The following DYNC2H1 variants were observed in gnomAD, a reference collection of about 807,000 sequenced individuals.
The protein encoded by DYNC2H1 is dynein cytoplasmic 2 heavy chain 1.
Under a neutral mutation model 570.0 loss-of-function variants are expected in DYNC2H1, and 410 were observed. The ratio of observed to expected loss-of-function variants is 0.72; its 90% CI spans 0.66 to 0.78. The LOEUF is 0.78. DYNC2H1 is among the 30% of genes least tolerant of loss of function. The pLI is 0.00. For synonymous variants in DYNC2H1, 1,688 were observed against 1,677.6 expected (o/e 1.01, Z -0.15); for missense variants, 4,865 against 5,046.4 (o/e 0.96, Z 1.09).
chr11:103,380,521 A>G (rs1941599383), intron 83 of DYNC2H1, among the ~76,000 whole-genome samples: 1 of 152,128 alleles, frequency 6.6e-6, no homozygotes, highest in African/African-American at 2.4e-5. Context: ...GCTGATAGGA[A>G]AGTCAGGGAA....
At chr11:103,354,206 CCTGTTTAGCCTG>C (rs925090475) in intron 82 of DYNC2H1, among the ~76,000 whole-genome samples, 1 of 149,336 alleles carries the variant, frequency 6.7e-6, no homozygotes, top group East Asian at 2.0e-4. Context: ...AAAAAAATCT[CCTGTTTAGCCTG>C]CTGTTTGGCC....
rs768168150 is a variant in DYNC2H1, at chr11:103,177,550, T to C, written c.5875-6T>C. 1 of 1,598,738 alleles carries C rather than the reference T, an allele frequency of 6.3e-7. No homozygotes were observed. The highest frequency in any genetic ancestry group is 8.5e-7 in the Non-Finnish European group (1 of 1,176,146). On this transcript the variant is annotated splice_polypyrimidine_tract_variant and splice_region_variant and intron_variant, in intron 37 of 88. Coordinates refer to ENST00000375735, the MANE Select transcript of DYNC2H1 (RefSeq NM_001377.3). This position sits in a 1 kb window ranked among gnomAD's most constrained non-coding sequence, Gnocchi z 4.4. ...ATCATATATGAACATATTTCTTTCC[T>C]ACTAGATCAAAAAGGCTTTAGAATT...
At chr11:103,417,473 A>G (rs1021657540) in intron 84 of DYNC2H1, among the ~76,000 whole-genome samples, 1 of 152,224 alleles carries the variant, frequency 6.6e-6, no homozygotes, top group African/African-American at 2.4e-5. Context: ...CTTCATGCAC[A>G]TAATCACAAA....
chr11:103,349,356 C>T (rs1201643027), intron 82 of DYNC2H1, among the ~76,000 whole-genome samples: 5 of 152,060 alleles, frequency 3.3e-5, no homozygotes, highest in South Asian at 4.2e-4. Flanking sequence ...TGTGTATATA[C>T]ATGATATAGT....
At chr11:103,238,168 C>T (rs542139273) in intron 63 of DYNC2H1, among the ~76,000 whole-genome samples, 53 of 152,132 alleles carry the variant, frequency 3.5e-4, no homozygotes, top group Non-Finnish European at 5.4e-4. Context: ...TCACCATGTA[C>T]GTAAAATTAA....
rs74549378 is a variant in DYNC2H1 at position 103,255,299 on chromosome 11, G to A, written c.10207-116G>A. On this transcript the variant is annotated intron_variant, in intron 66 of 88. Transcript: ENST00000375735. ...TGTTTAATTAGAAAGAATGAAATGAGATAACATAGTATCATATTTGTAATA... is the reference window on the plus strand; with the variant it reads ...TGTTTAATTAGAAAGAATGAAATGAAATAACATAGTATCATATTTGTAATA... 30 of 1,149,194 alleles carry A rather than the reference G, an allele frequency of 2.6e-5. No individual in the cohort carries two copies. In the South Asian group the frequency reaches 4.8e-4, roughly 18 times the overall value. 71.2% of individuals were successfully genotyped at this position (1,149,194 alleles called of 1,614,324 possible).
rs145054152 is a variant in DYNC2H1, at chr11:103,290,497, C to T, written c.11095+2892C>T. Among the ~76,000 whole-genome samples, 32 of 152,190 alleles carry T rather than the reference C, an allele frequency of 2.1e-4. No homozygotes were observed. In the East Asian group the frequency reaches 5.6e-3, roughly 27 times the overall value. On this transcript the variant is annotated intron_variant, in intron 75 of 88. Coordinates refer to ENST00000375735, the MANE Select transcript of DYNC2H1 (RefSeq NM_001377.3). ...TTCTTTTGGTTGCAGGTGACAGATA[C>T]CCATATTAAACTCGCTTAAATGAAT...
chr11:103,147,382 A>G (rs1472841025), intron 18 of DYNC2H1, among the ~76,000 whole-genome samples: 2 of 151,900 alleles, frequency 1.3e-5, no homozygotes, highest in African/African-American at 4.8e-5. Context: ...CCTTATTTTT[A>G]TTGTTTGTAT....
rs1045389474 is a variant in DYNC2H1 at position 103,147,886 on chromosome 11, G to A, written c.2817G>A (p.Gln939=). 2.5e-6 allele frequency: 4 copies of A among 1,577,258 alleles called. No individual in the cohort carries two copies. Among genetic ancestry groups the A allele is most frequent in the Non-Finnish European group, 2.6e-6 (3 of 1,151,764 alleles). The change falls in exon 19 of 89, where the codon CAG becomes CAA. Residue 939 remains glutamine (Q), a splice_region_variant and synonymous_variant. Transcript: ENST00000375735. ...TTCTTTCTTTGAAGAAGTCCATACA[G>A]GGTAAATACACATTTTAATTTTTAT... ...LLVLSLKKSI[Q]AHLHEIDTFV... is the part of the protein sequence containing the mutation.
chr11:103,263,828 A>T (rs947144470), intron 70 of DYNC2H1, among the ~76,000 whole-genome samples: 1 of 152,194 alleles, frequency 6.6e-6, no homozygotes, highest in African/African-American at 2.4e-5. Flanking sequence ...AAACACATTC[A>T]AAAGCTAGCA....
intron 70 of DYNC2H1, among the ~76,000 whole-genome samples, chr11:103,266,487 C>CA (rs1447053913): frequency 1.3e-5 from 2 of 152,012 alleles, no homozygotes; most frequent in African/African-American, 4.8e-5. Context: ...AGTCTTAGCA[C>CA]AAAAGTCAGC....
rs1565326900 is a variant in DYNC2H1 at position 103,133,603 on chromosome 11, C to T, written c.2002C>T (p.Pro668Ser). Residue 668 changes from proline (P) to serine (S), a missense_variant, in exon 14 of 89, where the codon CCT (proline) becomes TCT (serine). By Grantham distance (74) the Pro-to-Ser change is moderately conservative (BLOSUM62 -1). This residue lies in a region of DYNC2H1 where 1,936 missense variants were observed against 1,962.1 expected (regional missense o/e 0.99). Coordinates refer to ENST00000375735, the MANE Select transcript of DYNC2H1 (RefSeq NM_001377.3). This position sits in a 1 kb window ranked among gnomAD's most constrained non-coding sequence, Gnocchi z 4.8. ...GAAATCACAGATAACTTGGGATAAT[C>T]CTAAAGAATTAGAAGGCTATATCCA... ...GGKSQITWDN[P>S]KELEGYIQKL... 1 of 1,611,236 alleles carries T rather than the reference C, an allele frequency of 6.2e-7. No homozygotes were observed. Among genetic ancestry groups the T allele is most frequent in the Admixed American group, 1.7e-5 (1 of 59,620 alleles).
intron 87 of DYNC2H1, among the ~76,000 whole-genome samples, chr11:103,464,924 C>T (rs1945145419): frequency 6.6e-6 from 1 of 152,034 alleles, no homozygotes; most frequent in Admixed American, 6.6e-5. Flanking sequence ...ATTTAAGTAG[C>T]TTAAATATTG....
In DYNC2H1 at chr11:103,215,785, A is replaced by C; in HGVS notation, c.8759A>C (p.Glu2920Ala). The C allele has an allele frequency of 6.2e-7, 1 of 1,612,406 alleles. No homozygotes were observed. The highest frequency in any genetic ancestry group is 8.5e-7 in the Non-Finnish European group (1 of 1,179,100). ...GATGAACTGAACAGAAAAGCTGGAG[A>C]ACAAAGTGTGTTACTTAAAACGAAG... ...LVDELNRKAG[E>A]QSVLLKTKQD... is the part of the protein sequence containing the mutation. Residue 2920 changes from glutamate to alanine, a missense_variant, in exon 55 of 89, where the codon GAA becomes GCA. Transcript: ENST00000375735.
rs1224756592 is a variant in DYNC2H1 at position 103,177,862 on chromosome 11, T to C, written c.6139+42T>C. 2.2e-5 allele frequency: 35 copies of C among 1,557,634 alleles called. No individual in the cohort carries two copies. The highest frequency in any genetic ancestry group is 2.9e-5 in the Non-Finnish European group (34 of 1,160,410). On this transcript the variant is annotated intron_variant, in intron 38 of 88. Transcript: ENST00000375735. The surrounding 1 kb of genome is among the most constrained non-coding windows in gnomAD (Gnocchi z 4.4). ...ACTTCTTTGCTTTACTTAGTAATTC[T>C]TAGATAATGATATAATTTGTCTATA...
chr11:103,381,910 C>T (rs2048303808), intron 83 of DYNC2H1, among the ~76,000 whole-genome samples: 1 of 152,130 alleles, frequency 6.6e-6, no homozygotes, highest in Admixed American at 6.5e-5. Context: ...TGTTCAAATA[C>T]ACATTTTAAC....
At chr11:103,234,981 A>G (rs1864166334) in intron 61 of DYNC2H1, among the ~76,000 whole-genome samples, 1 of 151,690 alleles carries the variant, frequency 6.6e-6, no homozygotes, top group South Asian at 2.1e-4. Flanking sequence ...TATTCTTTAT[A>G]TTTGTCTTCT....
intron 82 of DYNC2H1, among the ~76,000 whole-genome samples, chr11:103,345,439 C>T (rs913828628): frequency 2.6e-5 from 4 of 152,202 alleles, no homozygotes; most frequent in African/African-American, 9.6e-5. Flanking sequence ...ATTGTGCGAA[C>T]AGTATGTAAT....
At chr11:103,428,810 AT>A (rs922435191) in intron 84 of DYNC2H1, among the ~76,000 whole-genome samples, 47 of 151,580 alleles carry the variant, frequency 3.1e-4, no homozygotes, top group Non-Finnish European at 5.5e-4. Context: ...GCATATATCA[AT>A]TTTTTTTTCT....
Sources: allele counts gnomAD v4.1 joint callset (sites outside exome capture counted in the v4.1 genomes callset), GRCh38; gene constraint gnomAD v4.1.1; regional missense constraint gnomAD v4.1.1; non-coding constraint Gnocchi (gnomAD v3.1); transcripts MANE v1.5; gene names NCBI Gene and HGNC (gene_info 2026-07-23, HGNC 2026-07-21).